Variants in RBM47 observed in about 807,000 individuals in gnomAD.
RBM47 encodes the protein RNA binding motif protein 47.
A neutral mutation model predicts 47.1 loss-of-function variants in RBM47; 21 were observed. The ratio of observed to expected loss-of-function variants is 0.45; its 90% CI spans 0.32 to 0.64. RBM47 has a LOEUF of 0.64. Ranked by LOEUF, RBM47 falls within the 30% of genes least tolerant of loss-of-function variation. RBM47 has a pLI of 0.05. For missense variants in RBM47, 708 were observed against 870.9 expected, an observed-to-expected ratio of 0.81 and a Z score of 2.35; for synonymous variants, 375 against 361.7, an observed-to-expected ratio of 1.04 and a Z score of -0.42.
intron 1 of RBM47, among the ~76,000 whole-genome samples, chr4:40,590,780 C>G (rs1734065772): frequency 6.6e-6 from 1 of 152,116 alleles, no homozygotes; most frequent in African/African-American, 2.4e-5. Flanking sequence ...TGAAAGAAGC[C>G]AGACACAAAA....
intron 2 of RBM47, among the ~76,000 whole-genome samples, chr4:40,505,428 A>T (rs1044465582): frequency 1.3e-5 from 2 of 148,720 alleles, no homozygotes; most frequent in Non-Finnish European, 3.0e-5. Context: ...GTGAGGCGAG[A>T]TTGTGCCATC....
chr4:40,612,370 C>T (rs970875447), intron 1 of RBM47, among the ~76,000 whole-genome samples: 3 of 152,102 alleles, frequency 2.0e-5, no homozygotes, highest in Admixed American at 6.6e-5. Context: ...AAAATAGCCA[C>T]GTGTAGTGGC....
chr4:40,489,768 C>T (rs983982483), intron 2 of RBM47, among the ~76,000 whole-genome samples: 1 of 152,178 alleles, frequency 6.6e-6, no homozygotes, highest in Non-Finnish European at 1.5e-5. Flanking sequence ...ACCAATCCTT[C>T]ACAAATTCTT....
chr4:40,498,124 A>G (rs1157506115), intron 2 of RBM47, among the ~76,000 whole-genome samples: 1 of 147,256 alleles, frequency 6.8e-6, no homozygotes, highest in East Asian at 2.0e-4. Context: ...GAGCGCTGTT[A>G]GCAGACCAAC....
intron 2 of RBM47, among the ~76,000 whole-genome samples, chr4:40,469,047 T>C (rs555635872): frequency 6.6e-6 from 1 of 152,334 alleles, no homozygotes; most frequent in East Asian, 1.9e-4. Context: ...TCCACCTCCA[T>C]AAAGCAGAAA....
intron 2 of RBM47, among the ~76,000 whole-genome samples, chr4:40,540,898 A>C (rs2154261802): frequency 6.6e-6 from 1 of 152,028 alleles, no homozygotes; most frequent in South Asian, 2.1e-4. Context: ...AATCATATAT[A>C]ATATCCTCAT....
chr4:40,571,906 C>A (rs112266620), intron 1 of RBM47, among the ~76,000 whole-genome samples: 5,073 of 151,674 alleles, frequency 0.033, 204 homozygotes, highest in African/African-American at 0.094. Flanking sequence ...GCCTGTAATC[C>A]CAGCTACTTA....
At chr4:40,593,410 T>C (rs1475461792) in intron 1 of RBM47, among the ~76,000 whole-genome samples, 1 of 152,178 alleles carries the variant, frequency 6.6e-6, no homozygotes, top group Non-Finnish European at 1.5e-5. Flanking sequence ...GGGAGGCCCC[T>C]GGAAGATCGC....
intron 2 of RBM47, among the ~76,000 whole-genome samples, chr4:40,504,849 A>G (rs1036639233): frequency 6.6e-5 from 10 of 152,214 alleles, no homozygotes; most frequent in Non-Finnish European, 5.9e-5. Flanking sequence ...TAGGGCCTAG[A>G]TATAAGTCAT....
chr4:40,590,380 CTCTG>C (rs1420746422), intron 1 of RBM47, among the ~76,000 whole-genome samples: 1 of 151,750 alleles, frequency 6.6e-6, no homozygotes, highest in Admixed American at 6.6e-5. Context: ...GGGCAACAGA[CTCTG>C]TCTCTTTTTA....
chr4:40,456,036 G>A (rs1315101017), intron 3 of RBM47, among the ~76,000 whole-genome samples: 1 of 152,164 alleles, frequency 6.6e-6, no homozygotes. Context: ...GTGAGAAAGT[G>A]CTTTAAGACA....
intron 2 of RBM47, among the ~76,000 whole-genome samples, chr4:40,532,477 TA>T (rs1265770292): frequency 2.7e-5 from 4 of 150,708 alleles, no homozygotes; most frequent in Non-Finnish European, 5.9e-5. Flanking sequence ...CACACCCAGC[TA>T]ATTTTTTGTA....
chr4:40,425,758 T>C lies in RBM47; in HGVS notation c.*146A>G, dbSNP rs147542798. On this transcript the variant is annotated 3_prime_UTR_variant, in exon 7 of 7. Transcript: ENST00000295971. Reference sequence around the variant, plus strand: ...TCTTAAAAAACTAGTGAAAACTTCATGTATATAAAATAATTCAGAAATAAA... The same window carrying C: ...TCTTAAAAAACTAGTGAAAACTTCACGTATATAAAATAATTCAGAAATAAA... 1.5e-3 allele frequency: 1,865 copies of C among 1,206,960 alleles called. 41 individuals are homozygous for C. The East Asian group carries it at 0.045, about 29-fold the overall frequency. 74.8% of individuals were successfully genotyped at this position (1,206,960 alleles called of 1,614,324 possible). A position where few individuals can be genotyped will look rare whatever the true frequency, so the allele number is the denominator to read the frequency against.
At chr4:40,584,898 C>G (rs990077113) in intron 1 of RBM47, among the ~76,000 whole-genome samples, 1 of 151,958 alleles carries the variant, frequency 6.6e-6, no homozygotes, top group African/African-American at 2.4e-5. Flanking sequence ...TTCTAATGCT[C>G]AAAATGGAAA....
intron 1 of RBM47, among the ~76,000 whole-genome samples, chr4:40,591,586 C>T (rs779095788): frequency 1.3e-5 from 2 of 152,128 alleles, no homozygotes; most frequent in South Asian, 2.1e-4. Flanking sequence ...CCCAGCTACT[C>T]GGGAGGCTGG....
intron 1 of RBM47, among the ~76,000 whole-genome samples, chr4:40,610,014 C>T (rs993580648): frequency 6.6e-6 from 1 of 151,960 alleles, no homozygotes; most frequent in Non-Finnish European, 1.5e-5. Flanking sequence ...ATTGCTTGAA[C>T]CGGGAGGCGG....
At chr4:40,559,944 A>T (rs1350512528) in intron 1 of RBM47, among the ~76,000 whole-genome samples, 1 of 152,180 alleles carries the variant, frequency 6.6e-6, no homozygotes, top group Non-Finnish European at 1.5e-5. Context: ...ATTTTGGCCA[A>T]ATTACTTGCA....
chr4:40,489,794 G>C (rs982223337), intron 2 of RBM47, among the ~76,000 whole-genome samples: 1 of 152,092 alleles, frequency 6.6e-6, no homozygotes, highest in Non-Finnish European at 1.5e-5. Flanking sequence ...AAACAGAAGG[G>C]ACTAGAACAC....
At chr4:40,598,910 G>T (rs992406647) in intron 1 of RBM47, among the ~76,000 whole-genome samples, 1 of 149,432 alleles carries the variant, frequency 6.7e-6, no homozygotes, top group Non-Finnish European at 1.5e-5. Flanking sequence ...CATCATCCTT[G>T]ACTTCAATAA....
Sources: allele counts gnomAD v4.1 joint callset (sites outside exome capture counted in the v4.1 genomes callset), GRCh38; gene constraint gnomAD v4.1.1; transcripts MANE v1.5; gene names NCBI Gene and HGNC (gene_info 2026-07-23, HGNC 2026-07-21).